RMND5B: variants seen among roughly 807,000 people sequenced by gnomAD.
RMND5B encodes required for meiotic nuclear division 5 homolog B.
In RMND5B, 42 loss-of-function variants were observed where a neutral mutation model predicts 50.4. The ratio of observed to expected loss-of-function variants is 0.83; its 90% CI spans 0.65 to 1.08. The LOEUF is 1.08. RMND5B is among the 50% of genes least tolerant of loss of function. RMND5B has a pLI of 0.00. For synonymous variants in RMND5B, 220 were observed against 210.0 expected (o/e 1.05, Z -0.41); for missense variants, 463 against 508.5 (o/e 0.91, Z 0.86).
chr5:178,146,085 C>G (rs1312559607), intron 7 of RMND5B, 29 bp from the exon 8 acceptor site: 16 of 1,611,750 alleles, frequency 9.9e-6, no homozygotes, highest in East Asian at 6.7e-5. Flanking sequence ...CCTGCACCCC[C>G]TGAGCTGCCC....
At position 178,144,102 on chromosome 5, in the gene RMND5B, C is replaced by A. The variant is rs374441747; in HGVS notation, c.688C>A (p.Gln230Lys). The change falls in exon 7 of 11, where the codon CAG (glutamine) becomes AAG (lysine). Residue 230 changes from glutamine to lysine, a missense_variant. Coordinates refer to ENST00000313386, the MANE Select transcript of RMND5B (RefSeq NM_022762.5). ...CTTCCAGCCCTTTGCTCGGCTGCAC[C>A]AGCGGGGTGAGTGCCCAGGCAGCTG... ...RHFQPFARLH[Q>K]REIQVMMGSL... The A allele has an allele frequency of 3.1e-6, 5 of 1,612,876 alleles. No homozygotes were observed. In the African/African-American group the frequency reaches 6.7e-5, roughly 22 times the overall value.
At position 178,137,175 on chromosome 5, in the gene RMND5B, A is replaced by T. The variant is rs1335481373; in HGVS notation, c.-12-933A>T. Among the ~76,000 whole-genome samples, 5 of 152,130 alleles carry T rather than the reference A, an allele frequency of 3.3e-5. No individual in the cohort carries two copies. Among genetic ancestry groups the T allele is most frequent in the Non-Finnish European group, 7.3e-5 (5 of 68,032 alleles). ...GCAGCATGTACCAGGGCACGCAGCTATGAGACAGCAAGGGTTCTGTGCCTG... is the reference window on the plus strand; with the variant it reads ...GCAGCATGTACCAGGGCACGCAGCTTTGAGACAGCAAGGGTTCTGTGCCTG... On this transcript the variant is annotated intron_variant, in intron 2 of 10. Coordinates refer to ENST00000313386, the MANE Select transcript of RMND5B (RefSeq NM_022762.5). The surrounding 1 kb of genome is among the most constrained non-coding windows in gnomAD (Gnocchi z 4.4).
rs1756228311 is a variant in RMND5B, at chr5:178,150,094, G to A, written c.*2062G>A. 3 of 377,650 alleles carry A rather than the reference G, an allele frequency of 7.9e-6. No homozygotes were observed. Among genetic ancestry groups the A allele is most frequent in the Admixed American group, 8.8e-5 (2 of 22,766 alleles). The allele number at this position is 377,650 out of a possible 1,614,324, so 23.4% of individuals were successfully genotyped here. ...CTCCAGCCCAGCAGGGGCTGTCCCG[G>A]TCCCTGCCACCCCCACTTCCTGTGC... On this transcript the variant is annotated 3_prime_UTR_variant, in exon 11 of 11. Coordinates refer to ENST00000313386, the MANE Select transcript of RMND5B (RefSeq NM_022762.5).
chr5:178,143,865 G>C, intron 6 of RMND5B, 77 bp from the exon 7 acceptor site: 1 of 1,552,908 alleles, frequency 6.4e-7, no homozygotes, highest in East Asian at 2.3e-5. Context: ...CAGGCTTTTG[G>C]GGCCCTCCTC....
At position 178,147,603 on chromosome 5, in the gene RMND5B, A is replaced by C. The variant is rs764332011; in HGVS notation, c.931A>C (p.Thr311Pro). The change falls in exon 9 of 11, where the codon ACT becomes CCT. Residue 311 changes from threonine (T) to proline (P), a missense_variant. Transcript: ENST00000313386. ...GGCTGTGATTGAGCAGCGGCAGTGC[A>C]CTGGGGTCTGGAATCACAAGGACGA... The part of the protein sequence containing the change: ...IKAVIEQRQC[T>P]GVWNHKDELP... 5.6e-6 allele frequency: 9 copies of C among 1,614,188 alleles called. No homozygotes were observed. The highest frequency in any genetic ancestry group is 7.6e-6 in the Non-Finnish European group (9 of 1,180,034).
rs1202318049 is a variant in RMND5B at position 178,143,609 on chromosome 5, TTCTC to T, written c.427-11_427-8del. 3 of 1,585,024 alleles carry T rather than the reference TTCTC, an allele frequency of 1.9e-6. No homozygotes were observed. The highest frequency in any genetic ancestry group is 1.7e-4 in the Middle Eastern group (1 of 6,034). ...CACCATCTTCCAGTGGTGGGATCTC[TTCTC>T]TCTCTCCTTGTAGGAATCAACGCTG... On this transcript the variant is annotated splice_polypyrimidine_tract_variant and intron_variant, in intron 5 of 10. Transcript: ENST00000313386.
rs1429205906 is a variant in RMND5B at position 178,138,282 on chromosome 5, C to T, written c.139+24C>T. 1 of 1,610,136 alleles carries T rather than the reference C, an allele frequency of 6.2e-7. No homozygotes were observed. On this transcript the variant is annotated intron_variant, in intron 3 of 10. Transcript: ENST00000313386. The surrounding 1 kb of genome is among the most constrained non-coding windows in gnomAD (Gnocchi z 5.1). ...AGGTGGGTGGCCACCCTTGCAAGTG[C>T]CCTGCGACAGCCTCCCTGAGGACAT...
At position 178,148,361 on chromosome 5, in the gene RMND5B, A is replaced by G. The variant is rs1581133999; in HGVS notation, c.*329A>G. 5.3e-6 allele frequency: 2 copies of G among 374,562 alleles called. No individual in the cohort carries two copies. The highest frequency in any genetic ancestry group is 2.7e-5 in the South Asian group (1 of 37,364). 23.2% of individuals were successfully genotyped at this position (374,562 alleles called of 1,614,324 possible). ...GGTCTTCAGCAGTAGACATCCTTCC[A>G]CCCCTGCCCTCAGCCAAGTCTCTTG... On this transcript the variant is annotated 3_prime_UTR_variant, in exon 11 of 11. Transcript: ENST00000313386.
Position 178,138,511 on chromosome 5 carries a change from T to C in RMND5B, c.139+253T>C. On this transcript the variant is annotated intron_variant, in intron 3 of 10. Transcript: ENST00000313386. This position sits in a 1 kb window ranked among gnomAD's most constrained non-coding sequence, Gnocchi z 5.1. ...CTTTTCTATTTTTAACTTTTTTTCA[T>C]TTTATAATTGTGTGTGTGTGTGTGT... 1 of 716,338 alleles carries C rather than the reference T, an allele frequency of 1.4e-6. No individual in the cohort carries two copies. Among genetic ancestry groups the C allele is most frequent in the Non-Finnish European group, 1.9e-6 (1 of 514,248 alleles). The allele number at this position is 716,338 out of a possible 1,614,324, so 44.4% of individuals were successfully genotyped here.
chr5:178,137,981 G>A lies in RMND5B; in HGVS notation c.-12-127G>A. 1.2e-6 allele frequency: 1 copy of A among 868,356 alleles called. No homozygotes were observed. The highest frequency in any genetic ancestry group is 1.8e-5 in the South Asian group (1 of 55,184). The allele number at this position is 868,356 out of a possible 1,614,324, so 53.8% of individuals were successfully genotyped here. On this transcript the variant is annotated intron_variant, in intron 2 of 10. Transcript: ENST00000313386. This position sits in a 1 kb window ranked among gnomAD's most constrained non-coding sequence, Gnocchi z 4.4. ...AACATAGGTACATATATACATATAT[G>A]TACAAAACATATAACATTGATACAT...
chr5:178,142,678 C>G lies in RMND5B; in HGVS notation c.235C>G (p.His79Asp). The change falls in exon 4 of 11, where the codon CAT becomes GAT. Residue 79 changes from histidine (H) to aspartate (D), a missense_variant. Transcript: ENST00000313386. ...KDTVQKLASD[H>D]KDIHSSVSRV... ...TACGGTGCAGAAACTGGCTTCGGAC[C>G]ATAAGGACATTCACAGCAGTGTATC... 6.2e-7 allele frequency: 1 copy of G among 1,614,204 alleles called. No homozygotes were observed. The highest frequency in any genetic ancestry group is 8.5e-7 in the Non-Finnish European group (1 of 1,180,032).
In RMND5B at chr5:178,143,988, C is replaced by T. The variant is rs1755840481; in HGVS notation, c.574C>T (p.Leu192=). 9 of 1,614,274 alleles carry T rather than the reference C, an allele frequency of 5.6e-6. No individual in the cohort carries two copies. The highest frequency in any genetic ancestry group is 6.8e-6 in the Non-Finnish European group (8 of 1,180,048). The change falls in exon 7 of 11, where the codon CTG becomes TTG. Residue 192 remains leucine, a synonymous_variant. Coordinates refer to ENST00000313386, the MANE Select transcript of RMND5B (RefSeq NM_022762.5). The part of the protein sequence containing the change: ...RQRLLELNSS[L]EFKLHRLHFI... ...GCGCCTGCTGGAACTCAACAGCTCC[C>T]TGGAGTTCAAGCTGCACCGACTGCA... is the stretch of plus-strand genomic sequence containing the variant.
rs1215839689 is a variant in RMND5B, at chr5:178,137,882, G to A, written c.-12-226G>A. 2.0e-5 allele frequency among the ~76,000 whole-genome samples: 3 copies of A among 151,998 alleles called. No individual in the cohort carries two copies. The highest frequency in any genetic ancestry group is 1.3e-4 in the Admixed American group (2 of 15,256). On this transcript the variant is annotated intron_variant, in intron 2 of 10. Transcript: ENST00000313386. This position sits in a 1 kb window ranked among gnomAD's most constrained non-coding sequence, Gnocchi z 4.4. ...TCTCACCATGATTAAGAAAAACCTC[G>A]TCCTCACACCAGCCTGCATCCTCCA...
Position 178,138,519 on chromosome 5 carries a change from T to TTGTGTGTGTGTG in RMND5B, c.139+279_139+290dup, listed in dbSNP as rs10657977. On this transcript the variant is annotated intron_variant, in intron 3 of 10. Coordinates refer to ENST00000313386, the MANE Select transcript of RMND5B (RefSeq NM_022762.5). This position sits in a 1 kb window ranked among gnomAD's most constrained non-coding sequence, Gnocchi z 5.1. The stretch of plus-strand genomic sequence containing the variant: ...TTTTTAACTTTTTTTCATTTTATAA[T>TTGTGTGTGTGTG]TGTGTGTGTGTGTGTGTGTGTGTGT... The TTGTGTGTGTGTG allele has an allele frequency of 0.011, 3,431 of 301,398 alleles. 47 individuals carry two copies. The highest frequency in any genetic ancestry group is 0.013 in the Non-Finnish European group (2,400 of 179,364). The allele number at this position is 301,398 out of a possible 1,614,324, so 18.7% of individuals were successfully genotyped here. A position where few individuals can be genotyped will look rare whatever the true frequency, so the allele number is the denominator to read the frequency against.
At chr5:178,142,250 T>G (rs1369922124) in intron 3 of RMND5B, 1 of 254,228 alleles carries the variant, frequency 3.9e-6, no homozygotes, top group Non-Finnish European at 7.6e-6. Flanking sequence ...ACCTGGCAGT[T>G]AAACAGAATC....
chr5:178,145,283 G>A (rs904329075), intron 7 of RMND5B, among the ~76,000 whole-genome samples: 8 of 151,874 alleles, frequency 5.3e-5, no homozygotes, highest in Admixed American at 2.0e-4. Flanking sequence ...TCAAGAGATC[G>A]AGACCATCCT....
rs1193545125 is a variant in RMND5B at position 178,141,578 on chromosome 5, T to G, written c.140-1005T>G. ...CTGTAATCCCAGCACTTTGGGAACTTGAGGCGGGTAGATTGCTTGAGTCCG... is the reference window on the plus strand; with the variant it reads ...CTGTAATCCCAGCACTTTGGGAACTGGAGGCGGGTAGATTGCTTGAGTCCG... On this transcript the variant is annotated intron_variant, in intron 3 of 10. Transcript: ENST00000313386. 3 of 152,228 alleles carry G rather than the reference T, an allele frequency of 2.0e-5. No homozygotes were observed. In the South Asian group the frequency reaches 6.2e-4, roughly 32 times the overall value. 9.4% of individuals were successfully genotyped at this position (152,228 alleles called of 1,614,324 possible). A position where few individuals can be genotyped will look rare whatever the true frequency, so the allele number is the denominator to read the frequency against.
At chr5:178,139,211 C>CT (rs111529954) in intron 3 of RMND5B, among the ~76,000 whole-genome samples, 28,364 of 144,786 alleles carry the variant, frequency 0.2, 3,054 homozygotes, top group East Asian at 0.27. Context: ...GTTCACATTT[C>CT]TTTTTTTTTT....
intron 2 of RMND5B, among the ~76,000 whole-genome samples, chr5:178,132,273 T>C (rs971165215): frequency 2.0e-5 from 3 of 152,050 alleles, no homozygotes; most frequent in Non-Finnish European, 4.4e-5. Context: ...AAACCCCGTC[T>C]CTACTAAAAA....
Sources: gnomAD v4.1 joint callset for allele counts (sites outside exome capture counted in the v4.1 genomes callset) on GRCh38, gnomAD v4.1.1 for gene constraint, Gnocchi (gnomAD v3.1) non-coding constraint, MANE v1.5 for transcripts, NCBI Gene and HGNC (gene_info 2026-07-23, HGNC 2026-07-21) for gene names.